Variants in UGCG observed in about 807,000 individuals in gnomAD.
UGCG encodes UDP-glucose ceramide glucosyltransferase, also known as ceramide glucosyltransferase.
A neutral mutation model predicts 49.5 loss-of-function variants in UGCG; 10 were observed. That is an observed-to-expected ratio of 0.20 (90% CI 0.12 to 0.34). The LOEUF (loss-of-function observed/expected upper bound fraction) is 0.34. Ranked by LOEUF, UGCG falls within the 10% of genes least tolerant of loss-of-function variation. The pLI, the probability that UGCG is intolerant of heterozygous loss-of-function variation, is 1.00. For missense variants in UGCG, 312 were observed against 483.7 expected (o/e 0.65, Z 3.33); for synonymous variants, 182 against 158.2 (o/e 1.15, Z -1.13).
intron 3 of UGCG, among the ~76,000 whole-genome samples, chr9:111,924,011 G>A (rs1838274921): frequency 5.9e-5 from 9 of 151,522 alleles, no homozygotes; most frequent in Admixed American, 5.9e-4. Context: ...TGGTCTCGAA[G>A]TCCTGACCTC....
chr9:111,902,363 T>A (rs1243307135), intron 1 of UGCG, among the ~76,000 whole-genome samples: 1 of 152,246 alleles, frequency 6.6e-6, no homozygotes, highest in Non-Finnish European at 1.5e-5. Flanking sequence ...GTTAGCAAGG[T>A]TAAGCTTGCA....
At chr9:111,925,728 G>GT (rs1280840021) in intron 4 of UGCG, among the ~76,000 whole-genome samples, 2 of 152,154 alleles carry the variant, frequency 1.3e-5, no homozygotes, top group Admixed American at 6.5e-5. Flanking sequence ...GATATGAGAT[G>GT]TTTGCTAAAG....
intron 1 of UGCG, among the ~76,000 whole-genome samples, chr9:111,901,369 C>G (rs750934989): frequency 6.6e-5 from 10 of 152,162 alleles, no homozygotes; most frequent in Non-Finnish European, 1.5e-4. Flanking sequence ...TTTAGTCCTG[C>G]CAATGCCCTT....
chr9:111,910,749 T>C (rs1837981379), intron 1 of UGCG, among the ~76,000 whole-genome samples: 1 of 146,612 alleles, frequency 6.8e-6, no homozygotes, highest in African/African-American at 2.4e-5. Context: ...TTCTTTTTTG[T>C]TTTTGTTTTT....
chr9:111,908,559 G>A (rs1178968117), intron 1 of UGCG, among the ~76,000 whole-genome samples: 3 of 152,156 alleles, frequency 2.0e-5, no homozygotes, highest in Admixed American at 6.5e-5. Flanking sequence ...TTTATAATAT[G>A]TACATTATGT....
chr9:111,932,072 A>G (rs761547867), intron 7 of UGCG, 98 bp from the exon 8 acceptor site: 4 of 1,290,324 alleles, frequency 3.1e-6, no homozygotes, highest in Non-Finnish European at 3.2e-6. Context: ...TGGTCTTTCT[A>G]TCACAGGGTA....
At chr9:111,928,129 T>C (rs1227763702) in intron 5 of UGCG, among the ~76,000 whole-genome samples, 3 of 152,230 alleles carry the variant, frequency 2.0e-5, no homozygotes, top group Non-Finnish European at 2.9e-5. Flanking sequence ...TGCAGTCTTA[T>C]GATTGCCACA....
chr9:111,929,773 A>T (rs1021670054), intron 6 of UGCG, 95 bp downstream of exon 6: 90 of 1,445,124 alleles, frequency 6.2e-5, no homozygotes, highest in Admixed American at 1.2e-4. Context: ...TTTTTAATTT[A>T]ATTTTATTTT....
intron 3 of UGCG, among the ~76,000 whole-genome samples, chr9:111,923,850 C>T (rs1444333548): frequency 1.3e-5 from 2 of 152,166 alleles, no homozygotes; most frequent in African/African-American, 2.4e-5. Flanking sequence ...AGGCTGGTCT[C>T]GAACTGCTGA....
At chr9:111,914,548 T>C in intron 1 of UGCG, 57 bp from the exon 2 acceptor site, 1 of 1,537,192 alleles carries the variant, frequency 6.5e-7, no homozygotes, top group Non-Finnish European at 8.9e-7. Flanking sequence ...TTGTCAGTGC[T>C]TTGATTTGAC....
chr9:111,900,478 G>GTATATGTATA (rs773342541), intron 1 of UGCG, among the ~76,000 whole-genome samples: 1 of 18,180 alleles, frequency 5.5e-5, no homozygotes, highest in African/African-American at 1.6e-4. Flanking sequence ...ATATGTATAT[G>GTATATGTATA]TGTGTGTGTG....
At chr9:111,902,336 T>C (rs1837792324) in intron 1 of UGCG, among the ~76,000 whole-genome samples, 1 of 152,158 alleles carries the variant, frequency 6.6e-6, no homozygotes, top group Non-Finnish European at 1.5e-5. Context: ...TATTTTACCT[T>C]CTGTGAGAGA....
intron 1 of UGCG, among the ~76,000 whole-genome samples, chr9:111,901,600 A>G (rs573234201): frequency 2.0e-5 from 3 of 152,200 alleles, no homozygotes; most frequent in Non-Finnish European, 4.4e-5. Context: ...TACCTCGGTG[A>G]TGGGATGACC....
intron 3 of UGCG, 130 bp downstream of exon 3, chr9:111,923,081 G>T: frequency 2.1e-6 from 1 of 470,344 alleles, no homozygotes. Flanking sequence ...ACTGAGAGGT[G>T]TTTACGTCCT....
In UGCG at chr9:111,932,425, A is replaced by G. The variant is rs1460637834; in HGVS notation, c.1014+66A>G. ...GAACTAGAACTATTTCAATTTAGAA[A>G]AAGTTGAAGGAAATGTATCTGAGCC... On this transcript the variant is annotated intron_variant, in intron 8 of 8. Transcript: ENST00000374279. The G allele has an allele frequency of 4.1e-6, 6 of 1,471,770 alleles. No homozygotes were observed. The African/African-American group carries it at 4.2e-5, about 10-fold the overall frequency. The allele number at this position is 1,471,770 out of a possible 1,614,324, so 91.2% of individuals were successfully genotyped here.
intron 1 of UGCG, among the ~76,000 whole-genome samples, chr9:111,907,831 G>A (rs1437134595): frequency 1.3e-5 from 2 of 152,090 alleles, no homozygotes; most frequent in Non-Finnish European, 2.9e-5. Flanking sequence ...GTTTCACCAT[G>A]TTGGCCAGGC....
intron 1 of UGCG, among the ~76,000 whole-genome samples, chr9:111,900,008 A>G (rs1039815218): frequency 1.3e-5 from 2 of 152,236 alleles, no homozygotes; most frequent in Admixed American, 6.5e-5. Flanking sequence ...GTCAAAGGTA[A>G]CATTCAGATT....
At chr9:111,911,146 C>T (rs1469697343) in intron 1 of UGCG, among the ~76,000 whole-genome samples, 2 of 152,132 alleles carry the variant, frequency 1.3e-5, no homozygotes, top group African/African-American at 4.8e-5. Context: ...GCTTGCCTTT[C>T]AGGGAGTCCA....
intron 1 of UGCG, among the ~76,000 whole-genome samples, chr9:111,903,783 A>T (rs1207072624): frequency 6.6e-6 from 1 of 152,068 alleles, no homozygotes; most frequent in African/African-American, 2.4e-5. Context: ...TTTTGTAGAG[A>T]CGGGGTTCCG....
Sources: gnomAD v4.1 joint callset for allele counts (sites outside exome capture counted in the v4.1 genomes callset) on GRCh38, gnomAD v4.1.1 for gene constraint, MANE v1.5 for transcripts, NCBI Gene and HGNC (gene_info 2026-07-23, HGNC 2026-07-21) for gene names.